TRIM5: variants seen among roughly 807,000 people sequenced by gnomAD.
TRIM5 encodes the protein tripartite motif containing 5.
TRIM5 carries 31 observed loss-of-function variants against 35.6 expected under a neutral mutation model. The observed-to-expected ratio is 0.87, with a 90% CI of 0.65 to 1.18. The LOEUF is 1.18. Among genes scored for constraint, TRIM5 ranks in the 50% most tolerant of loss-of-function variants. The probability of loss-of-function intolerance (pLI) is 0.00; values close to 1 mark genes in which losing one functional copy is unlikely to be tolerated. For missense variants in TRIM5, 609 were observed against 591.6 expected (o/e 1.03, Z -0.31); for synonymous variants, 243 against 215.6 (o/e 1.13, Z -1.11).
At chr11:5,677,362 A>G (rs916838574) in intron 4 of TRIM5, among the ~76,000 whole-genome samples, 15 of 152,262 alleles carry the variant, frequency 9.9e-5, no homozygotes, top group African/African-American at 3.6e-4. Context: ...AATGCTCATC[A>G]TCACTGGCCA....
At chr11:5,603,551 G>T in the TRIM5 span, 1 of 1,614,018 alleles carries the variant, frequency 6.2e-7, no homozygotes, top group Non-Finnish European at 8.5e-7. Flanking sequence ...ATAGTGAGGC[G>T]GCTCAGAGAG....
chr11:5,596,164 C>G, the TRIM5 span: 3 of 152,358 alleles, frequency 2.0e-5, no homozygotes, highest in South Asian at 6.2e-4. Flanking sequence ...TGGCTCTGAT[C>G]CAGGCCACAG....
rs774003696 is a variant in TRIM5 at position 5,664,913 on chromosome 11, G to A, written c.1378C>T (p.Leu460Phe). ...GAACAGTGAGAAAACTTATAGATGA[G>A]AAATCCATGGTTTGTGATATTGAAG... ...SFFNITNHGF[L>F]IYKFSHCSFS... The change falls in exon 8 of 8, where the codon CTC becomes TTC. Residue 460 changes from leucine to phenylalanine, a missense_variant. By Grantham distance (22) the Leu-to-Phe change is conservative. Coordinates refer to ENST00000380034, the MANE Select transcript of TRIM5 (RefSeq NM_033034.3). The A allele has an allele frequency of 1.2e-6, 2 of 1,613,950 alleles. No homozygotes were observed. The highest frequency in any genetic ancestry group is 1.7e-6 in the Non-Finnish European group (2 of 1,179,996).
At chr11:5,622,373 A>C in the TRIM5 span, among the ~76,000 whole-genome samples, 25 of 151,426 alleles carry the variant, frequency 1.7e-4, 1 homozygote, top group African/African-American at 4.8e-4. Context: ...TGAACCCGGC[A>C]GGCGGAGCTT....
chr11:5,635,025 GAAGT>G, the TRIM5 span, among the ~76,000 whole-genome samples: 1 of 151,930 alleles, frequency 6.6e-6, no homozygotes, highest in Non-Finnish European at 1.5e-5. Context: ...ATTAATTTAT[GAAGT>G]AAGGGAATAC....
the TRIM5 span, among the ~76,000 whole-genome samples, chr11:5,657,185 A>G: frequency 7.2e-5 from 11 of 152,102 alleles, no homozygotes; most frequent in Non-Finnish European, 1.5e-5. Context: ...GCTGGAAACC[A>G]TCATTCTCAG....
In TRIM5 at chr11:5,665,273, C is replaced by T. The variant is rs1851042852; in HGVS notation, c.1018G>A (p.Val340Met). The change falls in exon 8 of 8, where the codon GTG becomes ATG. Residue 340 changes from valine (V) to methionine (M), a missense_variant. Coordinates refer to ENST00000380034, the MANE Select transcript of TRIM5 (RefSeq NM_033034.3). ...ATGCCAGTACAATAATTGAAATTCA[C>T]AAATGTCTGGTATCTTGTCCCTCGT... The part of the protein sequence containing the change: ...GARGTRYQTF[V>M]NFNYCTGILG... 6.2e-7 allele frequency: 1 copy of T among 1,614,134 alleles called. No individual in the cohort carries two copies. The highest frequency in any genetic ancestry group is 2.2e-5 in the East Asian group (1 of 44,884).
the TRIM5 span, chr11:5,611,356 C>G: frequency 6.3e-7 from 1 of 1,595,832 alleles, no homozygotes; most frequent in Non-Finnish European, 8.6e-7. Context: ...TTCTTCTGTT[C>G]CCACCCACTT....
chr11:5,641,354 G>GT, the TRIM5 span: 1 of 1,462,732 alleles, frequency 6.8e-7, no homozygotes, highest in Non-Finnish European at 9.1e-7. Context: ...TGAGTGTTCC[G>GT]TAACTATTAA....
intron 4 of TRIM5, among the ~76,000 whole-genome samples, chr11:5,671,947 TCAAGG>T (rs1851618994): frequency 6.6e-6 from 1 of 151,888 alleles, no homozygotes; most frequent in African/African-American, 2.4e-5. Flanking sequence ...AAGGCTACAA[TCAAGG>T]CAAAGAAAAA....
chr11:5,675,552 G>A (rs1212618682), intron 4 of TRIM5, among the ~76,000 whole-genome samples: 1 of 151,980 alleles, frequency 6.6e-6, no homozygotes, highest in African/African-American at 2.4e-5. Flanking sequence ...AACCTCCTGG[G>A]AATGCCCCAG....
chr11:5,678,136 A>C, intron 4 of TRIM5, 68 bp downstream of exon 4: 1 of 1,353,690 alleles, frequency 7.4e-7, no homozygotes, highest in Non-Finnish European at 1.0e-6. Flanking sequence ...AAAGCACAGC[A>C]ACGCAGAGAA....
chr11:5,665,385 T>A lies in TRIM5; in HGVS notation c.906A>T (p.Thr302=), dbSNP rs775530114. The change falls in exon 8 of 8, where the codon ACA becomes ACT. Residue 302 remains threonine, a synonymous_variant. Coordinates refer to ENST00000380034, the MANE Select transcript of TRIM5 (RefSeq NM_033034.3). ...TDVRRYWVDV[T]VAPNNISCAV... is the part of the protein sequence containing the mutation. ...CACATGAAATGTTGTTTGGAGCCAC[T>A]GTCACATCAACTGTAGAAAAATTAA... The A allele has an allele frequency of 1.9e-6, 3 of 1,607,602 alleles. No homozygotes were observed. Among genetic ancestry groups the A allele is most frequent in the South Asian group, 2.2e-5 (2 of 89,962 alleles).
At chr11:5,592,978 A>C in the TRIM5 span, among the ~76,000 whole-genome samples, 28,214 of 150,578 alleles carry the variant, frequency 0.19, 2,798 homozygotes, top group Middle Eastern at 0.31. Flanking sequence ...AAAGTAGGGA[A>C]AACAAGAAGG....
chr11:5,601,893 T>G, the TRIM5 span, among the ~76,000 whole-genome samples: 2 of 152,116 alleles, frequency 1.3e-5, no homozygotes, highest in African/African-American at 4.8e-5. Flanking sequence ...TTTCACAGTC[T>G]TAGAGATCAG....
chr11:5,661,825 G>C (rs1427474668), downstream of TRIM5, among the ~76,000 whole-genome samples: 1 of 152,152 alleles, frequency 6.6e-6, no homozygotes, highest in South Asian at 2.1e-4. Flanking sequence ...CTAGGGCCAG[G>C]AGCATCTGTT....
the TRIM5 span, among the ~76,000 whole-genome samples, chr11:5,604,167 T>TGTGTGTGTGC: frequency 2.0e-5 from 3 of 147,376 alleles, no homozygotes; most frequent in African/African-American, 7.3e-5. Context: ...GCTAATTGTG[T>TGTGTGTGTGC]GTGTGTGTGC....
At chr11:5,613,844 A>AACTT in the TRIM5 span, among the ~76,000 whole-genome samples, 9 of 152,324 alleles carry the variant, frequency 5.9e-5, no homozygotes, top group East Asian at 1.3e-3. Flanking sequence ...GTTTGATGCT[A>AACTT]ACTTAAAAAG....
chr11:5,625,329 C>T, the TRIM5 span, among the ~76,000 whole-genome samples: 2 of 152,148 alleles, frequency 1.3e-5, no homozygotes, highest in South Asian at 4.1e-4. Context: ...TATTTCCATT[C>T]CCTTCCTATT....
Sources: allele counts gnomAD v4.1 joint callset (sites outside exome capture counted in the v4.1 genomes callset), GRCh38; gene constraint gnomAD v4.1.1; transcripts MANE v1.5; gene names NCBI Gene and HGNC (gene_info 2026-07-23, HGNC 2026-07-21).